The following PKHD1L1 variants were observed in gnomAD, a reference collection of about 807,000 sequenced individuals.
PKHD1L1 encodes fibrocystin-L.
Under a neutral mutation model 462.9 loss-of-function variants are expected in PKHD1L1, and 434 were observed. The ratio of observed to expected loss-of-function variants is 0.94; its 90% CI spans 0.87 to 1.02. The LOEUF is 1.02. Among genes scored for constraint, PKHD1L1 ranks in the 50% least tolerant of loss-of-function variants. The pLI, the probability that PKHD1L1 is intolerant of heterozygous loss-of-function variation, is 0.00. For missense variants in PKHD1L1, 5,202 were observed against 5,096.1 expected (o/e 1.02, Z -0.63); for synonymous variants, 1,781 against 1,750.0 (o/e 1.02, Z -0.44).
chr8:109,372,769 G>A (rs1297253044), intron 2 of PKHD1L1, among the ~76,000 whole-genome samples: 1 of 152,062 alleles, frequency 6.6e-6, no homozygotes, highest in Non-Finnish European at 1.5e-5. Flanking sequence ...TAATCATGTG[G>A]TTTTTGTCTT....
intron 71 of PKHD1L1, 29 bp downstream of exon 71, chr8:109,510,963 C>T: frequency 1.2e-6 from 2 of 1,601,480 alleles, no homozygotes; most frequent in East Asian, 2.2e-5. Flanking sequence ...AGAGTAATTG[C>T]TGTTGATTAT....
rs760650002 is a variant in PKHD1L1 at position 109,445,154 on chromosome 8, C to G, written c.5285C>G (p.Ser1762Cys). The change falls in exon 38 of 78, where the codon TCT becomes TGT. Residue 1762 changes from serine (S) to cysteine (C), a missense_variant. Around this residue, in one of 3 missense-constraint regions of PKHD1L1, gnomAD observed 4,497 missense variants for 4,336.8 expected, o/e 1.04. Coordinates refer to ENST00000378402, the MANE Select transcript of PKHD1L1 (RefSeq NM_177531.6). ...GTCTTCCCAAACTCTGTCATAGGAT[C>G]TGTAAAAGTTCTTATTGAAGGAGAA... Reference protein sequence around the residue: ...TGVFPNSVIGSVKVLIEGEGL... With the variant: ...TGVFPNSVIGCVKVLIEGEGL... The G allele has an allele frequency of 5.6e-5, 90 of 1,613,742 alleles. No homozygotes were observed. Among genetic ancestry groups the G allele is most frequent in the Non-Finnish European group, 6.8e-5 (80 of 1,179,874 alleles).
At chr8:109,475,347 C>G (rs577970251) in intron 51 of PKHD1L1, 78 bp downstream of exon 51, 1 of 1,146,480 alleles carries the variant, frequency 8.7e-7, no homozygotes, top group East Asian at 2.9e-5. Context: ...TACTCACAGA[C>G]ATTGTCAGGC....
chr8:109,512,610 A>G lies in PKHD1L1; in HGVS notation c.11553+1676A>G, dbSNP rs563346493. Among the ~76,000 whole-genome samples, 568 of 151,750 alleles carry G rather than the reference A, an allele frequency of 3.7e-3. 1 individual carries two copies. The highest frequency in any genetic ancestry group is 0.013 in the African/African-American group (546 of 41,444). On this transcript the variant is annotated intron_variant, in intron 71 of 77. Coordinates refer to ENST00000378402, the MANE Select transcript of PKHD1L1 (RefSeq NM_177531.6). ...TTTGGTTACTGTAGCCTTGTAGTAT[A>G]GTTTGAAGTCAGGTAGCATGATGCC...
chr8:109,404,894 G>A (rs1392781472), intron 15 of PKHD1L1, 101 bp from the exon 16 acceptor site: 2 of 1,085,014 alleles, frequency 1.8e-6, no homozygotes, highest in Non-Finnish European at 2.5e-6. Flanking sequence ...GTCATTTGTA[G>A]TAAAATAGAG....
chr8:109,400,320 C>G lies in PKHD1L1; in HGVS notation c.1257C>G (p.Ser419Arg), dbSNP rs1813209570. Residue 419 changes from serine (S) to arginine (R), a missense_variant, in exon 13 of 78, where the codon AGC becomes AGG. Physicochemically the swap from Ser to Arg is moderately radical, Grantham distance 110 (BLOSUM62 -1). Around this residue, in one of 3 missense-constraint regions of PKHD1L1, gnomAD observed 4,497 missense variants for 4,336.8 expected, o/e 1.04. Coordinates refer to ENST00000378402, the MANE Select transcript of PKHD1L1 (RefSeq NM_177531.6). ...KGDDRYAIYF[S>R]QTGLPEDKVR... Reference sequence around the variant, plus strand: ...ATGACCGTTATGCTATTTATTTTAGCCAGACTGGACTTCCAGAAGATAAGG... The same window carrying G: ...ATGACCGTTATGCTATTTATTTTAGGCAGACTGGACTTCCAGAAGATAAGG... The G allele has an allele frequency of 6.2e-7, 1 of 1,612,920 alleles. No homozygotes were observed. The highest frequency in any genetic ancestry group is 1.3e-5 in the African/African-American group (1 of 74,840).
intron 60 of PKHD1L1, 117 bp from the exon 61 acceptor site, chr8:109,490,855 T>C: frequency 8.2e-6 from 7 of 856,704 alleles, no homozygotes; most frequent in Non-Finnish European, 1.1e-5. Context: ...TAAGAGAAAG[T>C]GAATTGAGTA....
At chr8:109,449,661 AT>A (rs1190844178) in intron 40 of PKHD1L1, among the ~76,000 whole-genome samples, 174 bp downstream of exon 40, 6 of 152,162 alleles carry the variant, frequency 3.9e-5, no homozygotes, top group Admixed American at 6.5e-5. Flanking sequence ...GTCTTTTGAG[AT>A]TCATAAATTG....
chr8:109,486,302 A>G (rs370522786), intron 58 of PKHD1L1, among the ~76,000 whole-genome samples: 11 of 152,092 alleles, frequency 7.2e-5, no homozygotes, highest in African/African-American at 2.4e-4. Flanking sequence ...CATCTATTAA[A>G]ATTACAATAC....
At chr8:109,391,320 G>A (rs1024272924) in intron 9 of PKHD1L1, among the ~76,000 whole-genome samples, 1 of 152,156 alleles carries the variant, frequency 6.6e-6, no homozygotes, top group African/African-American at 2.4e-5. Flanking sequence ...TCTAACTCTA[G>A]GACCTGAGCA....
At chr8:109,386,287 T>C (rs1812439996) in intron 6 of PKHD1L1, among the ~76,000 whole-genome samples, 1 of 152,196 alleles carries the variant, frequency 6.6e-6, no homozygotes, top group Non-Finnish European at 1.5e-5. Context: ...GTTATTTCAG[T>C]CCTGCCTTTA....
chr8:109,502,204 CACA>C (rs1194402401), intron 67 of PKHD1L1, among the ~76,000 whole-genome samples: 1 of 152,140 alleles, frequency 6.6e-6, no homozygotes, highest in Non-Finnish European at 1.5e-5. Flanking sequence ...GCATTTTTCT[CACA>C]ACATGTCATG....
chr8:109,424,595 C>T (rs986808129), intron 23 of PKHD1L1, among the ~76,000 whole-genome samples: 1 of 152,002 alleles, frequency 6.6e-6, no homozygotes, highest in Non-Finnish European at 1.5e-5. Context: ...TAGCACTGAA[C>T]ATTAAACAAG....
rs1487571663 is a variant in PKHD1L1 at position 109,535,668 on chromosome 8, T to G, written c.*5578T>G. 6.6e-6 allele frequency among the ~76,000 whole-genome samples: 1 copy of G among 152,144 alleles called. No homozygotes were observed. Among genetic ancestry groups the G allele is most frequent in the African/African-American group, 2.4e-5 (1 of 41,416 alleles). ...GAATTTGAATTAGACACTGGAAAATTTAAAAAGGTCAGTTACTATGAAGAA... is the reference window on the plus strand; with the variant it reads ...GAATTTGAATTAGACACTGGAAAATGTAAAAAGGTCAGTTACTATGAAGAA... On this transcript the variant is annotated 3_prime_UTR_variant, in exon 78 of 78. Coordinates refer to ENST00000378402, the MANE Select transcript of PKHD1L1 (RefSeq NM_177531.6).
rs1003234636 is a variant in PKHD1L1, at chr8:109,413,358, A to G, written c.2236-63A>G. 3 of 1,097,162 alleles carry G rather than the reference A, an allele frequency of 2.7e-6. No homozygotes were observed. The African/African-American group carries it at 4.9e-5, about 18-fold the overall frequency. The allele number at this position is 1,097,162 out of a possible 1,614,324, so 68.0% of individuals were successfully genotyped here. On this transcript the variant is annotated intron_variant, in intron 20 of 77. Coordinates refer to ENST00000378402, the MANE Select transcript of PKHD1L1 (RefSeq NM_177531.6). ...TATTTATTGACTTTGAATTTATTTGAATTGTTGTGAAACAATGTAATGGTA... is the reference window on the plus strand; with the variant it reads ...TATTTATTGACTTTGAATTTATTTGGATTGTTGTGAAACAATGTAATGGTA...
chr8:109,533,077 A>G lies in PKHD1L1; in HGVS notation c.*2987A>G, dbSNP rs540839018. Among the ~76,000 whole-genome samples, 111 of 152,360 alleles carry G rather than the reference A, an allele frequency of 7.3e-4. No individual in the cohort carries two copies. In the Middle Eastern group the frequency reaches 0.01, roughly 14 times the overall value. ...TGGTAAAGCTGGGATTCAAACACAG[A>G]CAATTTAACTCCAGAGCCCAAATTC... On this transcript the variant is annotated 3_prime_UTR_variant, in exon 78 of 78. Transcript: ENST00000378402.
At chr8:109,527,327 C>A (rs1484907852) in intron 77 of PKHD1L1, among the ~76,000 whole-genome samples, 1 of 150,944 alleles carries the variant, frequency 6.6e-6, no homozygotes, top group African/African-American at 2.4e-5. Flanking sequence ...CATGGCAAAA[C>A]CCTAACTCTA....
At chr8:109,433,357 G>A (rs1179683780) in intron 28 of PKHD1L1, 141 bp downstream of exon 28, 3 of 708,792 alleles carry the variant, frequency 4.2e-6, no homozygotes. Context: ...ATGGGGTCAT[G>A]AAATTGGCAA....
intron 50 of PKHD1L1, chr8:109,470,312 C>G: frequency 1.3e-6 from 2 of 1,489,272 alleles, no homozygotes; most frequent in East Asian, 2.3e-5. Context: ...AGGTCATCAT[C>G]ATATTTAGAT....
Sources: allele counts gnomAD v4.1 joint callset (sites outside exome capture counted in the v4.1 genomes callset), GRCh38; gene constraint gnomAD v4.1.1; regional missense constraint gnomAD v4.1.1; transcripts MANE v1.5; gene names NCBI Gene and HGNC (gene_info 2026-07-23, HGNC 2026-07-21).